MYO1E: variants seen among roughly 807,000 people sequenced by gnomAD.
The protein encoded by MYO1E is unconventional myosin-Ie.
In MYO1E, 68 loss-of-function variants were observed where a neutral mutation model predicts 151.1. The ratio of observed to expected loss-of-function variants is 0.45; its 90% CI spans 0.37 to 0.55. The LOEUF is 0.55. MYO1E is among the 20% of genes least tolerant of loss of function. The pLI, the probability that MYO1E is intolerant of heterozygous loss-of-function variation, is 0.00. For missense variants in MYO1E, 1,363 were observed against 1,389.3 expected, an observed-to-expected ratio of 0.98 and a Z score of 0.30; for synonymous variants, 601 against 501.7, an observed-to-expected ratio of 1.20 and a Z score of -2.64.
intron 4 of MYO1E, among the ~76,000 whole-genome samples, chr15:59,247,894 G>A (rs1374681953): frequency 6.6e-6 from 1 of 152,110 alleles, no homozygotes; most frequent in African/African-American, 2.4e-5. Context: ...GGCTGAGGCA[G>A]GCAGATCACT....
At chr15:59,269,686 C>A (rs188970525) in intron 2 of MYO1E, among the ~76,000 whole-genome samples, 21 of 152,062 alleles carry the variant, frequency 1.4e-4, no homozygotes, top group African/African-American at 5.1e-4. Context: ...TGAATGAAAC[C>A]CCACCTCTAC....
At chr15:59,275,610 A>G (rs1199618033) in intron 1 of MYO1E, among the ~76,000 whole-genome samples, 1 of 152,172 alleles carries the variant, frequency 6.6e-6, no homozygotes, top group Non-Finnish European at 1.5e-5. Context: ...CTCACTATGC[A>G]TTTATTCTCC....
chr15:59,252,072 G>C (rs2080168215), intron 4 of MYO1E, among the ~76,000 whole-genome samples: 1 of 152,118 alleles, frequency 6.6e-6, no homozygotes, highest in Non-Finnish European at 1.5e-5. Flanking sequence ...TTCAGCATAA[G>C]ATAAATGGGA....
intron 1 of MYO1E, chr15:59,341,365 TGCTAA>T (rs2080764727): frequency 6.6e-6 from 1 of 152,210 alleles, no homozygotes; most frequent in Non-Finnish European, 1.5e-5. Flanking sequence ...TCAGGAGCCA[TGCTAA>T]TCTTCTCTGT....
intron 1 of MYO1E, 147 bp downstream of exon 1, chr15:59,372,351 G>A (rs559195992): frequency 1.6e-5 from 16 of 989,104 alleles, no homozygotes; most frequent in East Asian, 2.7e-5. Flanking sequence ...GAAAGCGGCA[G>A]GAAATCAGAG....
At chr15:59,210,215 G>A (rs1459134242) in intron 13 of MYO1E, among the ~76,000 whole-genome samples, 1 of 151,944 alleles carries the variant, frequency 6.6e-6, no homozygotes, top group South Asian at 2.1e-4. Flanking sequence ...CTAGAACACA[G>A]GGCCAATTTT....
intron 1 of MYO1E, among the ~76,000 whole-genome samples, chr15:59,354,475 C>T (rs62002509): frequency 3.3e-5 from 5 of 152,162 alleles, no homozygotes; most frequent in Non-Finnish European, 4.4e-5. Flanking sequence ...ACCACTCCCC[C>T]ACAAACGTCA....
chr15:59,150,641 C>A (rs2079470040), intron 26 of MYO1E, among the ~76,000 whole-genome samples: 1 of 152,140 alleles, frequency 6.6e-6, no homozygotes, highest in Non-Finnish European at 1.5e-5. Flanking sequence ...AGGTGTAGGT[C>A]TGGGTTAGAG....
chr15:59,175,789 G>A (rs1262762247), intron 19 of MYO1E, among the ~76,000 whole-genome samples: 1 of 152,154 alleles, frequency 6.6e-6, no homozygotes, highest in Non-Finnish European at 1.5e-5. Flanking sequence ...GAGAAAGGAT[G>A]AACAGGCAAA....
chr15:59,210,113 C>T (rs899616792), intron 13 of MYO1E, among the ~76,000 whole-genome samples: 21 of 152,056 alleles, frequency 1.4e-4, no homozygotes, highest in African/African-American at 4.6e-4. Flanking sequence ...AGCGATCCAC[C>T]TGCCTCAGCC....
chr15:59,218,650 A>G (rs1382213232), intron 9 of MYO1E, among the ~76,000 whole-genome samples: 2 of 152,238 alleles, frequency 1.3e-5, no homozygotes, highest in African/African-American at 2.4e-5. Flanking sequence ...CTTGAATGCA[A>G]TCTAGATGAG....
chr15:59,147,169 G>A (rs1454604957), intron 26 of MYO1E, among the ~76,000 whole-genome samples: 1 of 152,110 alleles, frequency 6.6e-6, no homozygotes, highest in African/African-American at 2.4e-5. Flanking sequence ...GGTGCCAAAA[G>A]CCCACAAGAA....
chr15:59,172,103 T>C, intron 21 of MYO1E, 61 bp from the exon 22 acceptor site: 1 of 1,575,898 alleles, frequency 6.3e-7, no homozygotes, highest in South Asian at 1.1e-5. Context: ...ACACCTGTAA[T>C]CCCAGTACTT....
At chr15:59,262,370 C>A (rs1427053198) in intron 2 of MYO1E, among the ~76,000 whole-genome samples, 1 of 152,080 alleles carries the variant, frequency 6.6e-6, no homozygotes, top group Non-Finnish European at 1.5e-5. Flanking sequence ...GTACTCCCAG[C>A]ATGTTAGAAG....
At chr15:59,148,716 A>G (rs1442048370) in intron 26 of MYO1E, among the ~76,000 whole-genome samples, 3 of 152,228 alleles carry the variant, frequency 2.0e-5, no homozygotes, top group African/African-American at 7.2e-5. Flanking sequence ...GATCTTGACA[A>G]GAGACACACA....
chr15:59,148,787 T>C (rs1250268085), intron 26 of MYO1E, among the ~76,000 whole-genome samples: 1 of 152,214 alleles, frequency 6.6e-6, no homozygotes, highest in Non-Finnish European at 1.5e-5. Context: ...GCCCTACCAC[T>C]GAGCACTTCC....
rs2080783407 is a variant in MYO1E, at chr15:59,344,550, A to G, written c.3+27948T>C. 2.0e-5 allele frequency among the ~76,000 whole-genome samples: 3 copies of G among 152,178 alleles called. No individual in the cohort carries two copies. The South Asian group carries it at 6.2e-4, about 32-fold the overall frequency. ...CTCAAGGCCCTAGGGCTCTACAATC[A>G]TCAAGTAGTGAAGCCAGCTAGGCTT... is the stretch of plus-strand genomic sequence containing the variant. On this transcript the variant is annotated intron_variant, in intron 1 of 27. Transcript: ENST00000288235.
chr15:59,223,281 A>C, intron 8 of MYO1E, 90 bp from the exon 9 acceptor site: 1 of 1,499,688 alleles, frequency 6.7e-7, no homozygotes, highest in Non-Finnish European at 9.2e-7. Flanking sequence ...AGCTGCTCTA[A>C]ATAAGGATGT....
At chr15:59,206,082 T>G (rs1216893621) in intron 14 of MYO1E, among the ~76,000 whole-genome samples, 1 of 151,984 alleles carries the variant, frequency 6.6e-6, no homozygotes, top group Non-Finnish European at 1.5e-5. Context: ...CGACCTCAAC[T>G]TAACTTTTTT....
Sources: allele counts gnomAD v4.1 joint callset (sites outside exome capture counted in the v4.1 genomes callset), GRCh38; gene constraint gnomAD v4.1.1; transcripts MANE v1.5; gene names NCBI Gene and HGNC (gene_info 2026-07-23, HGNC 2026-07-21).